The following ELOVL6 variants were observed in gnomAD, a reference collection of about 807,000 sequenced individuals.
ELOVL6 encodes the protein very long chain fatty acid elongase 6.
ELOVL6 carries 8 observed loss-of-function variants against 31.7 expected under a neutral mutation model. The ratio of observed to expected loss-of-function variants is 0.25; its 90% CI spans 0.15 to 0.45. ELOVL6 has a LOEUF of 0.45. Among genes scored for constraint, ELOVL6 ranks in the 20% least tolerant of loss-of-function variants. The probability of loss-of-function intolerance (pLI) is 1.00; values close to 1 mark genes in which losing one functional copy is unlikely to be tolerated. For synonymous variants in ELOVL6, 101 were observed against 117.7 expected (o/e 0.86, Z 0.92); for missense variants, 126 against 326.4 (o/e 0.39, Z 4.73).
intron 1 of ELOVL6, among the ~76,000 whole-genome samples, chr4:110,126,880 G>A (rs1014924708): frequency 2.0e-5 from 3 of 151,982 alleles, no homozygotes; most frequent in Non-Finnish European, 2.9e-5. Flanking sequence ...AGGACTCTTT[G>A]ATTTCCTATC....
chr4:110,142,619 A>T (rs960374195), intron 1 of ELOVL6, among the ~76,000 whole-genome samples: 1 of 152,216 alleles, frequency 6.6e-6, no homozygotes, highest in Non-Finnish European at 1.5e-5. Context: ...AGTAAGAATG[A>T]ACTCTTGCTC....
At chr4:110,066,622 G>A (rs181471404) in intron 2 of ELOVL6, among the ~76,000 whole-genome samples, 1,458 of 111,002 alleles carry the variant, frequency 0.013, 7 homozygotes, top group African/African-American at 0.021. Context: ...CTGGGCGACA[G>A]AGACTCTGTC....
chr4:110,183,002 G>C (rs189399287), intron 1 of ELOVL6, among the ~76,000 whole-genome samples: 6 of 152,110 alleles, frequency 3.9e-5, no homozygotes, highest in African/African-American at 1.4e-4. Flanking sequence ...AAGGGTCTGG[G>C]GAGTCACACC....
chr4:110,179,850 T>G (rs1185589683), intron 1 of ELOVL6, among the ~76,000 whole-genome samples: 1 of 152,238 alleles, frequency 6.6e-6, no homozygotes, highest in African/African-American at 2.4e-5. Flanking sequence ...GAGTAAAATT[T>G]AATCCTGAAG....
chr4:110,091,300 G>A (rs890886564), intron 2 of ELOVL6, among the ~76,000 whole-genome samples: 29 of 152,120 alleles, frequency 1.9e-4, no homozygotes, highest in Non-Finnish European at 3.8e-4. Flanking sequence ...GTATAAGGTG[G>A]CAAAAATCAG....
rs1754743052 is a variant in ELOVL6, at chr4:110,048,003, A to G, written c.*3335T>C. 6.6e-6 allele frequency: 1 copy of G among 151,746 alleles called. No individual in the cohort carries two copies. The highest frequency in any genetic ancestry group is 6.6e-5 in the Admixed American group (1 of 15,234). The allele number at this position is 151,746 out of a possible 1,614,324, so 9.4% of individuals were successfully genotyped here. On this transcript the variant is annotated 3_prime_UTR_variant, in exon 4 of 4. Coordinates refer to ENST00000302274, the MANE Select transcript of ELOVL6 (RefSeq NM_024090.3). ...CAAAACCCACTCATATGAAGTTTCT[A>G]ACTCAGTCTAGACATATTAGTCTCT...
At chr4:110,171,658 C>T (rs1288557765) in intron 1 of ELOVL6, among the ~76,000 whole-genome samples, 1 of 133,396 alleles carries the variant, frequency 7.5e-6, no homozygotes, top group Non-Finnish European at 1.6e-5. Flanking sequence ...ATCTTTTCAT[C>T]TGTATCTTGC....
intron 1 of ELOVL6, among the ~76,000 whole-genome samples, chr4:110,158,429 A>AAC (rs1373360219): frequency 6.6e-6 from 1 of 151,806 alleles, no homozygotes; most frequent in Non-Finnish European, 1.5e-5. Flanking sequence ...ACTGAGAAGG[A>AAC]ACACAACTCT....
chr4:110,174,116 AAAAG>A (rs1444670123), intron 1 of ELOVL6, among the ~76,000 whole-genome samples: 7 of 152,130 alleles, frequency 4.6e-5, no homozygotes, highest in African/African-American at 1.2e-4. Context: ...ACTTTTTTTA[AAAAG>A]AAAGAAAAAG....
rs1050362419 is a variant in ELOVL6 at position 110,143,985 on chromosome 4, C to T, written c.90-38357G>A. On this transcript the variant is annotated intron_variant, in intron 1 of 3. Coordinates refer to ENST00000302274, the MANE Select transcript of ELOVL6 (RefSeq NM_024090.3). ...AGGAGAAACACTTGAACCTGGGAGG[C>T]GAAGGTTGTGGTGAGCCGAGATTGC... Among the ~76,000 whole-genome samples the T allele has an allele frequency of 2.2e-4, 30 of 138,950 alleles. 1 individual carries two copies. Among genetic ancestry groups the T allele is most frequent in the African/African-American group, 7.7e-4 (28 of 36,298 alleles). 91.2% of individuals were successfully genotyped at this position (138,950 alleles called of 152,430 possible). A position where few individuals can be genotyped will look rare whatever the true frequency, so the allele number is the denominator to read the frequency against.
At chr4:110,063,491 C>A (rs1044374381) in intron 2 of ELOVL6, among the ~76,000 whole-genome samples, 20 of 152,168 alleles carry the variant, frequency 1.3e-4, no homozygotes, top group Admixed American at 3.3e-4. Context: ...CAAAAGGTAA[C>A]CATGCACCAA....
intron 1 of ELOVL6, among the ~76,000 whole-genome samples, chr4:110,132,096 C>T (rs540999612): frequency 6.6e-6 from 1 of 152,148 alleles, no homozygotes; most frequent in East Asian, 1.9e-4. Flanking sequence ...TTAAGATAAG[C>T]TTGTATCTTG....
At chr4:110,142,219 C>T (rs917230887) in intron 1 of ELOVL6, among the ~76,000 whole-genome samples, 6 of 151,644 alleles carry the variant, frequency 4.0e-5, no homozygotes, top group South Asian at 2.1e-4. Context: ...TACAGGTGCC[C>T]GCCACCACAC....
At chr4:110,073,656 A>G (rs1755552509) in intron 2 of ELOVL6, among the ~76,000 whole-genome samples, 1 of 152,080 alleles carries the variant, frequency 6.6e-6, no homozygotes, top group African/African-American at 2.4e-5. Context: ...TCCCTTCACT[A>G]TGAAATGTAA....
At chr4:110,195,984 GGAGTA>G (rs1169141331) in intron 1 of ELOVL6, among the ~76,000 whole-genome samples, 1 of 152,190 alleles carries the variant, frequency 6.6e-6, no homozygotes, top group Non-Finnish European at 1.5e-5. Context: ...GAACCTAACA[GGAGTA>G]GATACGTTGG....
In ELOVL6 at chr4:110,148,789, A is replaced by T. The variant is rs1203962561; in HGVS notation, c.90-43161T>A. Among the ~76,000 whole-genome samples, 5 of 152,284 alleles carry T rather than the reference A, an allele frequency of 3.3e-5. No individual in the cohort carries two copies. The East Asian group carries it at 7.7e-4, about 23-fold the overall frequency. The stretch of plus-strand genomic sequence containing the variant: ...TGTGTACCCACAAAAATTTAAAATA[A>T]TTTTTTTAAAAAGGACAAAAAAATA... On this transcript the variant is annotated intron_variant, in intron 1 of 3. Transcript: ENST00000302274.
At chr4:110,148,030 G>A (rs187389965) in intron 1 of ELOVL6, among the ~76,000 whole-genome samples, 47 of 149,154 alleles carry the variant, frequency 3.2e-4, no homozygotes, top group South Asian at 2.1e-3. Context: ...AGGAGAATCC[G>A]CCCAGGAGGC....
At chr4:110,076,265 G>T (rs1353003012) in intron 2 of ELOVL6, among the ~76,000 whole-genome samples, 1 of 152,198 alleles carries the variant, frequency 6.6e-6, no homozygotes. Context: ...TAGTGCAAGT[G>T]TTCTTCAGAC....
At position 110,084,011 on chromosome 4, in the gene ELOVL6, GGT is replaced by G. The variant is rs1560813509; in HGVS notation, c.221+21484_221+21485del. Reference sequence around the variant, plus strand: ...ACGATATATAACATATGCCATATATGGTATATAACATATGCCATATATGGTAT... The same window carrying G: ...ACGATATATAACATATGCCATATATGATATAACATATGCCATATATGGTAT... On this transcript the variant is annotated intron_variant, in intron 2 of 3. Coordinates refer to ENST00000302274, the MANE Select transcript of ELOVL6 (RefSeq NM_024090.3). 5.3e-4 allele frequency among the ~76,000 whole-genome samples: 34 copies of G among 64,712 alleles called. 2 individuals carry two copies. The highest frequency in any genetic ancestry group is 2.8e-3 in the South Asian group (6 of 2,106). The allele number at this position is 64,712 out of a possible 152,430, so 42.5% of individuals were successfully genotyped here. A position where few individuals can be genotyped will look rare whatever the true frequency, so the allele number is the denominator to read the frequency against.
Sources: gnomAD v4.1 joint callset for allele counts (sites outside exome capture counted in the v4.1 genomes callset) on GRCh38, gnomAD v4.1.1 for gene constraint, MANE v1.5 for transcripts, NCBI Gene and HGNC (gene_info 2026-07-23, HGNC 2026-07-21) for gene names.